MELTF: variants seen among roughly 807,000 people sequenced by gnomAD.
MELTF encodes the protein melanotransferrin, also known as antigen p97 (melanoma associated) identified by monoclonal antibodies 133.2 and 96.5.
Under a neutral mutation model 83.7 loss-of-function variants are expected in MELTF, and 67 were observed. The observed-to-expected ratio is 0.80, with a 90% CI of 0.66 to 0.98. MELTF has a LOEUF of 0.98. Ranked by LOEUF, MELTF falls within the 50% of genes least tolerant of loss-of-function variation. The probability of loss-of-function intolerance (pLI) is 0.00; values close to 1 mark genes in which losing one functional copy is unlikely to be tolerated. For missense variants in MELTF, 1,002 were observed against 1,035.6 expected (o/e 0.97, Z 0.44); for synonymous variants, 462 against 447.6 (o/e 1.03, Z -0.41).
At chr3:197,016,450 C>A in intron 7 of MELTF, 81 bp from the exon 8 acceptor site, 1 of 1,317,570 alleles carries the variant, frequency 7.6e-7, no homozygotes, top group Non-Finnish European at 1.0e-6. Context: ...CCCCTACCTC[C>A]TTCTTCCCCG....
Position 197,003,147 on chromosome 3 carries a change from A to C in MELTF, c.*225T>G, listed in dbSNP as rs948779278. Reference sequence around the variant, plus strand: ...CCTCCGGCGCGGCCCGCGCGGCTCCAGGTGGCGGGAGGCGGCGGTTGGCGG... The same window carrying C: ...CCTCCGGCGCGGCCCGCGCGGCTCCCGGTGGCGGGAGGCGGCGGTTGGCGG... On this transcript the variant is annotated 3_prime_UTR_variant, in exon 16 of 16. Transcript: ENST00000296350. The surrounding 1 kb of genome is among the most constrained non-coding windows in gnomAD (Gnocchi z 6.2). The C allele has an allele frequency of 1.2e-5, 3 of 254,736 alleles. No individual in the cohort carries two copies. The highest frequency in any genetic ancestry group is 2.3e-5 in the African/African-American group (1 of 42,718). The allele number at this position is 254,736 out of a possible 1,614,324, so 15.8% of individuals were successfully genotyped here.
intron 14 of MELTF, among the ~76,000 whole-genome samples, chr3:197,005,568 TCAG>T (rs937832620): frequency 6.6e-6 from 1 of 151,916 alleles, no homozygotes; most frequent in African/African-American, 2.4e-5. Flanking sequence ...GGGGAGGAAA[TCAG>T]CAGAGAAGAC....
chr3:197,028,050 G>T, intron 1 of MELTF, 140 bp from the exon 2 acceptor site: 1 of 950,350 alleles, frequency 1.1e-6, no homozygotes, highest in Non-Finnish European at 1.5e-6. Flanking sequence ...CTCCCACAGG[G>T]AGGCACTAGG....
chr3:197,012,133 C>T (rs933156679), intron 9 of MELTF, among the ~76,000 whole-genome samples: 4 of 152,200 alleles, frequency 2.6e-5, no homozygotes, highest in Admixed American at 6.5e-5. Context: ...CGGAAGCTCC[C>T]GGAACACCCC....
rs376527345 is a variant in MELTF, at chr3:197,024,466, G to A, written c.324C>T (p.Tyr108=). 22 of 1,591,604 alleles carry A rather than the reference G, an allele frequency of 1.4e-5. No individual in the cohort carries two copies. In the Admixed American group the frequency reaches 1.5e-4, roughly 11 times the overall value. The change falls in exon 4 of 16, where the codon TAC becomes TAT. Residue 108 remains tyrosine (Y), a synonymous_variant. Coordinates refer to ENST00000296350, the MANE Select transcript of MELTF (RefSeq NM_005929.6). This position sits in a 1 kb window ranked among gnomAD's most constrained non-coding sequence, Gnocchi z 5.3. ...AGCTCCTCCTGACCACAGCCACGGCGTAATAGGAGGTACCGACCTCTAGGA... is the reference window on the plus strand; with the variant it reads ...AGCTCCTCCTGACCACAGCCACGGCATAATAGGAGGTACCGACCTCTAGGA... The part of the protein sequence containing the change: ...VYDQEVGTSY[Y]AVAVVRRSSH...
chr3:197,019,849 T>A (rs574159132), intron 6 of MELTF: 73 of 1,412,054 alleles, frequency 5.2e-5, no homozygotes, highest in South Asian at 5.1e-4. Flanking sequence ...GACAATGATT[T>A]AAAAAAAAAA....
In MELTF at chr3:197,024,531, A is replaced by G; in HGVS notation, c.305-46T>C. The G allele has an allele frequency of 6.6e-7, 1 of 1,511,982 alleles. No individual in the cohort carries two copies. Among genetic ancestry groups the G allele is most frequent in the Non-Finnish European group, 9.0e-7 (1 of 1,117,304 alleles). The allele number at this position is 1,511,982 out of a possible 1,614,324, so 93.7% of individuals were successfully genotyped here. A position where few individuals can be genotyped will look rare whatever the true frequency, so the allele number is the denominator to read the frequency against. Reference sequence around the variant, plus strand: ...GTGAGGGCAGCAGGGAGAGGCCTCGAGAGAGGCTGCACCAGCACCCTGCCT... The same window carrying G: ...GTGAGGGCAGCAGGGAGAGGCCTCGGGAGAGGCTGCACCAGCACCCTGCCT... On this transcript the variant is annotated intron_variant, in intron 3 of 15. Coordinates refer to ENST00000296350, the MANE Select transcript of MELTF (RefSeq NM_005929.6). The surrounding 1 kb of genome is among the most constrained non-coding windows in gnomAD (Gnocchi z 5.3).
At chr3:197,023,252 A>C in intron 4 of MELTF, 139 bp from the exon 5 acceptor site, 1 of 899,886 alleles carries the variant, frequency 1.1e-6, no homozygotes, top group Non-Finnish European at 1.7e-6. Flanking sequence ...GTCTGAGCAA[A>C]GCTGGGGAGT....
rs768446050 is a variant in MELTF at position 197,006,599 on chromosome 3, G to A, written c.1888C>T (p.Arg630Trp). 8.7e-6 allele frequency: 14 copies of A among 1,613,008 alleles called. No individual in the cohort carries two copies. The highest frequency in any genetic ancestry group is 2.7e-5 in the African/African-American group (2 of 74,752). Residue 630 changes from arginine (R) to tryptophan (W), a missense_variant, in exon 14 of 16, where the codon CGG (arginine) becomes TGG (tryptophan). Physicochemically the swap from Arg to Trp is moderately radical, Grantham distance 101 (BLOSUM62 -3). Coordinates refer to ENST00000296350, the MANE Select transcript of MELTF (RefSeq NM_005929.6). The surrounding 1 kb of genome is among the most constrained non-coding windows in gnomAD (Gnocchi z 5.4). The part of the protein sequence containing the change: ...AQIPPHAVMV[R>W]PDTNIFTVYG... ...ACGGTGAAGATGTTGGTGTCGGGCC[G>A]GACCATCACGGCGTGGGGTGGTATC... is the stretch of plus-strand genomic sequence containing the variant.
intron 6 of MELTF, chr3:197,019,555 T>C (rs1235663244): frequency 5.1e-6 from 8 of 1,565,080 alleles, no homozygotes; most frequent in African/African-American, 1.3e-5. Context: ...CTGGGCAACA[T>C]GGTGAGACCC....
chr3:197,003,569 T>C lies in MELTF; in HGVS notation c.2138-118A>G. The stretch of plus-strand genomic sequence containing the variant: ...GGGACCGAACTCGCCGCAGCCTCCC[T>C]CTTTGTGCTCCTTTCCCCTGCTGCC... On this transcript the variant is annotated intron_variant, in intron 15 of 15. Coordinates refer to ENST00000296350, the MANE Select transcript of MELTF (RefSeq NM_005929.6). The surrounding 1 kb of genome is among the most constrained non-coding windows in gnomAD (Gnocchi z 6.2). 1.3e-6 allele frequency: 1 copy of C among 740,832 alleles called. No homozygotes were observed. The highest frequency in any genetic ancestry group is 3.4e-5 in the South Asian group (1 of 29,132). 45.9% of individuals were successfully genotyped at this position (740,832 alleles called of 1,614,324 possible).
At chr3:197,012,338 G>A (rs1035169273) in intron 9 of MELTF, among the ~76,000 whole-genome samples, 2 of 152,212 alleles carry the variant, frequency 1.3e-5, no homozygotes, top group African/African-American at 4.8e-5. Context: ...CCAGAAGTGG[G>A]GCTGATGGTC....
At position 197,007,720 on chromosome 3, in the gene MELTF, T is replaced by TG. The variant is rs1305431448; in HGVS notation, c.1750+936dup. Among the ~76,000 whole-genome samples, 6 of 152,210 alleles carry TG rather than the reference T, an allele frequency of 3.9e-5. No homozygotes were observed. Among genetic ancestry groups the TG allele is most frequent in the African/African-American group, 1.4e-4 (6 of 41,452 alleles). ...GGCCTGGAGCCCTCCCTAGCTCTGC[T>TG]GGGGCAAATGGTCCTACCGCCTTGG... On this transcript the variant is annotated intron_variant, in intron 13 of 15. Coordinates refer to ENST00000296350, the MANE Select transcript of MELTF (RefSeq NM_005929.6). This position sits in a 1 kb window ranked among gnomAD's most constrained non-coding sequence, Gnocchi z 4.3.
rs1305825608 is a variant in MELTF, at chr3:197,009,056, C to G, written c.1526-91G>C. ...GCCGCTCCCCCACAGGTCTGCCCAC[C>G]CCCCGGATCCTACACTGCAAGGCCA... On this transcript the variant is annotated intron_variant, in intron 11 of 15. Transcript: ENST00000296350. 5 of 1,483,060 alleles carry G rather than the reference C, an allele frequency of 3.4e-6. No homozygotes were observed. The Admixed American group carries it at 7.1e-5, about 21-fold the overall frequency. The allele number at this position is 1,483,060 out of a possible 1,614,324, so 91.9% of individuals were successfully genotyped here. A position where few individuals can be genotyped will look rare whatever the true frequency, so the allele number is the denominator to read the frequency against.
chr3:197,004,337 G>A lies in MELTF; in HGVS notation c.1939-238C>T. On this transcript the variant is annotated intron_variant, in intron 14 of 15. Coordinates refer to ENST00000296350, the MANE Select transcript of MELTF (RefSeq NM_005929.6). The stretch of plus-strand genomic sequence containing the variant: ...TGGAAGAGGCGTTCAGAAGCACTGC[G>A]GTGCTCCAGCTCCTGGATGCAGGTC... 17 of 555,072 alleles carry A rather than the reference G, an allele frequency of 3.1e-5. No homozygotes were observed. In the South Asian group the frequency reaches 3.4e-4, roughly 11 times the overall value. 34.4% of individuals were successfully genotyped at this position (555,072 alleles called of 1,614,324 possible).
chr3:197,005,247 G>A (rs905027413), intron 14 of MELTF, among the ~76,000 whole-genome samples: 9 of 152,180 alleles, frequency 5.9e-5, no homozygotes, highest in Non-Finnish European at 8.8e-5. Context: ...GAGGAAGACC[G>A]GAGTCAAAAA....
chr3:197,021,407 C>T lies in MELTF; in HGVS notation c.709G>A (p.Asp237Asn). ...CCCGTGCCCCTCCCCCACTCACCAT[C>T]CGTGTTCTCCAGTACCGTGCTGTGC... The part of the protein sequence containing the change: ...VKHSTVLENT[D>N]GKTLPSWGQA... The change falls in exon 6 of 16, where the codon GAT becomes AAT. Residue 237 changes from aspartate (D) to asparagine (N), a missense_variant. Coordinates refer to ENST00000296350, the MANE Select transcript of MELTF (RefSeq NM_005929.6). The T allele has an allele frequency of 6.2e-7, 1 of 1,614,116 alleles. No homozygotes were observed. The highest frequency in any genetic ancestry group is 8.5e-7 in the Non-Finnish European group (1 of 1,179,998).
chr3:197,026,648 G>T lies in MELTF; in HGVS notation c.304+12C>A. 1 of 1,610,474 alleles carries T rather than the reference G, an allele frequency of 6.2e-7. No individual in the cohort carries two copies. Among genetic ancestry groups the T allele is most frequent in the Non-Finnish European group, 8.5e-7 (1 of 1,178,402 alleles). ...GCAGGCTGTCCTCTCTCCTCCCACT[G>T]CACCCTCTTACCTTGATCGTACACT... On this transcript the variant is annotated intron_variant, in intron 3 of 15. Transcript: ENST00000296350.
chr3:197,014,778 C>T (rs144809600), intron 9 of MELTF, among the ~76,000 whole-genome samples: 102 of 152,126 alleles, frequency 6.7e-4, no homozygotes, highest in Middle Eastern at 6.8e-3. Flanking sequence ...ACAGGTAGGA[C>T]GATATTGCAT....
Sources: gnomAD v4.1 joint callset for allele counts (sites outside exome capture counted in the v4.1 genomes callset) on GRCh38, gnomAD v4.1.1 for gene constraint, Gnocchi (gnomAD v3.1) non-coding constraint, MANE v1.5 for transcripts, NCBI Gene and HGNC (gene_info 2026-07-23, HGNC 2026-07-21) for gene names.